The following PPARGC1A variants were observed in gnomAD, a reference collection of about 807,000 sequenced individuals.
PPARGC1A encodes the protein PPARG coactivator 1 alpha, also known as peroxisome proliferator-activated receptor gamma coactivator 1-alpha.
Under a neutral mutation model 88.7 loss-of-function variants are expected in PPARGC1A, and 25 were observed. The ratio of observed to expected loss-of-function variants is 0.28; its 90% CI spans 0.21 to 0.39. The LOEUF is 0.39. Ranked by LOEUF, PPARGC1A falls within the 10% of genes least tolerant of loss-of-function variation. PPARGC1A has a pLI of 1.00. For synonymous variants in PPARGC1A, 363 were observed against 355.6 expected (o/e 1.02, Z -0.24); for missense variants, 880 against 968.7 (o/e 0.91, Z 1.22).
chr4:24,194,156 GAAC>G, the PPARGC1A span, among the ~76,000 whole-genome samples: 19 of 149,154 alleles, frequency 1.3e-4, no homozygotes, highest in African/African-American at 4.7e-4. Context: ...GTACACCAAT[GAAC>G]AACAGGAAAA....
chr4:23,932,282 A>ATTAGTTCCTCGCTTAGTTCCTCGC, the PPARGC1A span, among the ~76,000 whole-genome samples: 13 of 151,210 alleles, frequency 8.6e-5, no homozygotes, highest in South Asian at 2.1e-4. Context: ...AGTGGGACTA[A>ATTAGTTCCTCGCTTAGTTCCTCGC]TTAGTTCCTC....
the PPARGC1A span, among the ~76,000 whole-genome samples, chr4:23,916,699 T>C: frequency 2.6e-5 from 4 of 152,220 alleles, no homozygotes; most frequent in African/African-American, 9.6e-5. Flanking sequence ...CAATACTCCA[T>C]TCACAGACAG....
At chr4:24,352,244 A>T in the PPARGC1A span, among the ~76,000 whole-genome samples, 1 of 152,100 alleles carries the variant, frequency 6.6e-6, no homozygotes, top group East Asian at 1.9e-4. Context: ...TCTGAAGAAC[A>T]AGGTGCAAGC....
chr4:24,256,742 T>C, the PPARGC1A span, among the ~76,000 whole-genome samples: 1 of 152,192 alleles, frequency 6.6e-6, no homozygotes, highest in African/African-American at 2.4e-5. Context: ...TGGGCTTTGC[T>C]GTCTTGTTAC....
chr4:23,905,279 G>A (rs532062345), upstream of PPARGC1A, among the ~76,000 whole-genome samples: 1 of 152,208 alleles, frequency 6.6e-6, no homozygotes, highest in African/African-American at 2.4e-5. Context: ...AGACAAGGAA[G>A]TCAACAACTG....
At chr4:23,818,149 GATTATTTCCT>G (rs1451767368) in intron 7 of PPARGC1A, among the ~76,000 whole-genome samples, 17 of 152,068 alleles carry the variant, frequency 1.1e-4, no homozygotes, top group Non-Finnish European at 2.4e-4. Context: ...ATAACCTCTG[GATTATTTCCT>G]GCGTGTTGAT....
Position 23,793,124 on chromosome 4 carries a change from T to C in PPARGC1A, c.*2698A>G, listed in dbSNP as rs927235538. On this transcript the variant is annotated 3_prime_UTR_variant, in exon 13 of 13. Transcript: ENST00000264867. Reference sequence around the variant, plus strand: ...ACACATGTGGTCCTTGAACACATAATAGGATTTACTAAATCTCGATTTCTT... The same window carrying C: ...ACACATGTGGTCCTTGAACACATAACAGGATTTACTAAATCTCGATTTCTT... 2 of 152,582 alleles carry C rather than the reference T, an allele frequency of 1.3e-5. No individual in the cohort carries two copies. The highest frequency in any genetic ancestry group is 4.8e-5 in the African/African-American group (2 of 41,448). The allele number at this position is 152,582 out of a possible 1,614,324, so 9.5% of individuals were successfully genotyped here.
At chr4:24,043,609 T>C in the PPARGC1A span, among the ~76,000 whole-genome samples, 3 of 152,170 alleles carry the variant, frequency 2.0e-5, no homozygotes, top group Non-Finnish European at 4.4e-5. Flanking sequence ...TGATATCTTT[T>C]CTATACCTTT....
the PPARGC1A span, among the ~76,000 whole-genome samples, chr4:24,301,357 C>A: frequency 6.6e-6 from 1 of 151,984 alleles, no homozygotes; most frequent in Non-Finnish European, 1.5e-5. Context: ...AATAATAACA[C>A]CAGTAGTGAT....
the PPARGC1A span, among the ~76,000 whole-genome samples, chr4:24,370,237 G>A: frequency 6.6e-6 from 1 of 151,488 alleles, no homozygotes; most frequent in Admixed American, 6.6e-5. Context: ...ATTTCCAGAG[G>A]TTAAAAAAAA....
the PPARGC1A span, among the ~76,000 whole-genome samples, chr4:24,206,851 A>T: frequency 3.7e-5 from 4 of 107,832 alleles, no homozygotes; most frequent in African/African-American, 1.7e-4. Flanking sequence ...AAAAAAAAAA[A>T]AAAAAAAAAA....
the PPARGC1A span, among the ~76,000 whole-genome samples, chr4:24,338,336 G>T: frequency 2.6e-5 from 4 of 152,128 alleles, no homozygotes; most frequent in Admixed American, 6.5e-5. Flanking sequence ...GAAAGGAAAA[G>T]AAGTATTTTA....
the PPARGC1A span, among the ~76,000 whole-genome samples, chr4:24,278,785 C>T: frequency 6.6e-6 from 1 of 152,080 alleles, no homozygotes; most frequent in African/African-American, 2.4e-5. Flanking sequence ...ACAACAAAGT[C>T]GTATGATTTT....
intron 2 of PPARGC1A, among the ~76,000 whole-genome samples, chr4:23,852,138 A>G (rs963866956): frequency 6.6e-6 from 1 of 152,172 alleles, no homozygotes; most frequent in Non-Finnish European, 1.5e-5. Context: ...GCAGACCACA[A>G]CATTTTGAAT....
intron 12 of PPARGC1A, 144 bp downstream of exon 12, chr4:23,801,586 C>T (rs1299201649): frequency 2.9e-5 from 27 of 938,064 alleles, no homozygotes; most frequent in Admixed American, 5.7e-5. Flanking sequence ...CTGTCTTATA[C>T]GTTTTTCTTA....
At chr4:23,986,441 C>A in the PPARGC1A span, among the ~76,000 whole-genome samples, 89,277 of 151,850 alleles carry the variant, frequency 0.59, 27,032 homozygotes, top group African/African-American at 0.68. Flanking sequence ...TAAGTCTCTA[C>A]TTGCAAGGAT....
chr4:23,825,522 T>C (rs975275580), intron 5 of PPARGC1A, among the ~76,000 whole-genome samples: 3 of 152,152 alleles, frequency 2.0e-5, no homozygotes, highest in Non-Finnish European at 4.4e-5. Context: ...TACTAAGTGA[T>C]ATTTTCAGGG....
chr4:23,963,865 C>T, the PPARGC1A span, among the ~76,000 whole-genome samples: 191 of 152,160 alleles, frequency 1.3e-3, 3 homozygotes, highest in East Asian at 0.033. Flanking sequence ...GAAGGATCGG[C>T]CAGGGAGGAA....
At chr4:23,815,170 G>A (rs890861048) in intron 7 of PPARGC1A, among the ~76,000 whole-genome samples, 4 of 151,802 alleles carry the variant, frequency 2.6e-5, no homozygotes, top group Non-Finnish European at 4.4e-5. Context: ...ATGGGGCAAT[G>A]GTGAGAGTGA....
Sources: gnomAD v4.1 joint callset for allele counts (sites outside exome capture counted in the v4.1 genomes callset) on GRCh38, gnomAD v4.1.1 for gene constraint, MANE v1.5 for transcripts, NCBI Gene and HGNC (gene_info 2026-07-23, HGNC 2026-07-21) for gene names.